The following ZDHHC20 variants were observed in gnomAD, a reference collection of about 807,000 sequenced individuals.
ZDHHC20 encodes the protein zDHHC palmitoyltransferase 20.
ZDHHC20 carries 43 observed loss-of-function variants against 57.8 expected under a neutral mutation model. The ratio of observed to expected loss-of-function variants is 0.74; its 90% confidence interval spans 0.58 to 0.96. The LOEUF (loss-of-function observed/expected upper bound fraction) is 0.96. Ranked by LOEUF, ZDHHC20 falls within the 40% of genes least tolerant of loss-of-function variation. The pLI is 0.00. For synonymous variants in ZDHHC20, 157 were observed against 153.0 expected (o/e 1.03, Z -0.19); for missense variants, 391 against 441.1 (o/e 0.89, Z 1.02).
At chr13:21,404,845 T>A (rs1478331293) in intron 4 of ZDHHC20, among the ~76,000 whole-genome samples, 1 of 151,994 alleles carries the variant, frequency 6.6e-6, no homozygotes, top group Non-Finnish European at 1.5e-5. Context: ...ATATACCCTA[T>A]CCCAATAAAA....
chr13:21,409,116 G>T (rs542306924), intron 4 of ZDHHC20, among the ~76,000 whole-genome samples: 1 of 152,266 alleles, frequency 6.6e-6, no homozygotes, highest in Admixed American at 6.5e-5. Context: ...GATGATGCTG[G>T]CCTCATAAAA....
intron 1 of ZDHHC20, among the ~76,000 whole-genome samples, chr13:21,426,679 C>T (rs546721671): frequency 1.3e-5 from 2 of 150,524 alleles, no homozygotes; most frequent in South Asian, 4.2e-4. Context: ...AATCTTGGCT[C>T]ACTGCAACCT....
At chr13:21,432,942 AG>A (rs527657265) in intron 1 of ZDHHC20, among the ~76,000 whole-genome samples, 15 of 152,206 alleles carry the variant, frequency 9.9e-5, no homozygotes, top group Non-Finnish European at 2.2e-4. Context: ...TATACGTGTA[AG>A]GGTTTATTTC....
At chr13:21,427,662 C>A (rs11842817) in intron 1 of ZDHHC20, among the ~76,000 whole-genome samples, 2 of 151,738 alleles carry the variant, frequency 1.3e-5, no homozygotes, top group African/African-American at 4.8e-5. Context: ...GGTGAAACCC[C>A]GTCTGCACTA....
At chr13:21,377,244 A>C in intron 12 of ZDHHC20, 1 of 76,046 alleles carries the variant, frequency 1.3e-5, no homozygotes. Flanking sequence ...ACTGCCCGAC[A>C]TGACCTCCAC....
intron 1 of ZDHHC20, 140 bp from the exon 2 acceptor site, chr13:21,425,818 C>A: frequency 1.9e-6 from 1 of 525,340 alleles, no homozygotes; most frequent in African/African-American, 2.0e-5. Flanking sequence ...AATGCAAAGT[C>A]AAAATTGCAC....
At chr13:21,379,388 C>A (rs1240451653) in intron 11 of ZDHHC20, among the ~76,000 whole-genome samples, 1 of 151,852 alleles carries the variant, frequency 6.6e-6, no homozygotes, top group African/African-American at 2.4e-5. Flanking sequence ...CTCAAGCAAT[C>A]CTCTCACCTC....
chr13:21,413,639 T>C lies in ZDHHC20; in HGVS notation c.370+13A>G, dbSNP rs1241965855. 3.2e-6 allele frequency: 5 copies of C among 1,576,418 alleles called. No homozygotes were observed. In the African/African-American group the frequency reaches 5.5e-5, roughly 17 times the overall value. On this transcript the variant is annotated intron_variant, in intron 4 of 12. Coordinates refer to ENST00000400590, the MANE Select transcript of ZDHHC20 (RefSeq NM_001330059.2). ...AAAATCATTTGAAAAGGAAAACTTA[T>C]TCTTTTTCTTACTTTTTGAAGCTGA...
In ZDHHC20 at chr13:21,382,984, T is replaced by C. The variant is rs551868346; in HGVS notation, c.880A>G (p.Thr294Ala). ...TCTGGATCCATCCCCACAAGGCGAGTTGGAAAACTGCAACCATCACCCAAG... is the reference window on the plus strand; with the variant it reads ...TCTGGATCCATCCCCACAAGGCGAGCTGGAAAACTGCAACCATCACCCAAG... The part of the protein sequence containing the change: ...SSLGDGCSFP[T>A]RLVGMDPEQA... The change falls in exon 10 of 13, where the codon ACT (threonine) becomes GCT (alanine). Residue 294 changes from threonine to alanine, a missense_variant. By Grantham distance (58) the Thr-to-Ala change is moderately conservative. Transcript: ENST00000400590. The C allele has an allele frequency of 3.5e-5, 54 of 1,561,804 alleles. No homozygotes were observed. The highest frequency in any genetic ancestry group is 3.0e-4 in the African/African-American group (22 of 73,446).
chr13:21,459,051 C>G lies in ZDHHC20; in HGVS notation c.118+3G>C. ...CGCCGCAGTCCCCGGGGACGGTACTCACACACGCAGAGCTCCACCACGTAC... is the reference window on the plus strand; with the variant it reads ...CGCCGCAGTCCCCGGGGACGGTACTGACACACGCAGAGCTCCACCACGTAC... On this transcript the variant is annotated splice_donor_region_variant and intron_variant, in intron 1 of 12. Transcript: ENST00000400590. 1.9e-6 allele frequency: 3 copies of G among 1,592,418 alleles called. No individual in the cohort carries two copies. Among genetic ancestry groups the G allele is most frequent in the Non-Finnish European group, 2.6e-6 (3 of 1,170,618 alleles).
Position 21,459,243 on chromosome 13 carries a change from C to G in ZDHHC20, c.-72G>C. On this transcript the variant is annotated 5_prime_UTR_variant, in exon 1 of 13. Coordinates refer to ENST00000400590, the MANE Select transcript of ZDHHC20 (RefSeq NM_001330059.2). ...CGCGGGAGCCCCGGCGACGGTGACTCGGACGCTCCAGGCGGCTGCTGGTCC... is the reference window on the plus strand; with the variant it reads ...CGCGGGAGCCCCGGCGACGGTGACTGGGACGCTCCAGGCGGCTGCTGGTCC... The G allele has an allele frequency of 3.2e-6, 4 of 1,249,848 alleles. No individual in the cohort carries two copies. The highest frequency in any genetic ancestry group is 4.4e-6 in the Non-Finnish European group (4 of 905,308). The allele number at this position is 1,249,848 out of a possible 1,614,324, so 77.4% of individuals were successfully genotyped here.
intron 2 of ZDHHC20, 29 bp from the exon 3 acceptor site, chr13:21,421,193 T>C (rs375438839): frequency 1.5e-5 from 24 of 1,587,958 alleles, no homozygotes; most frequent in East Asian, 2.2e-5. Context: ...TAACAGTTCA[T>C]TGAATCCAGG....
In ZDHHC20 at chr13:21,396,285, A is replaced by C. The variant is rs1395240185; in HGVS notation, c.594+4088T>G. On this transcript the variant is annotated intron_variant, in intron 7 of 12. Coordinates refer to ENST00000400590, the MANE Select transcript of ZDHHC20 (RefSeq NM_001330059.2). ...GAATAATAACAAAACCTACATTGTAAAACACCTTCAAAAGGTTTTTAGAAA... is the reference window on the plus strand; with the variant it reads ...GAATAATAACAAAACCTACATTGTACAACACCTTCAAAAGGTTTTTAGAAA... Among the ~76,000 whole-genome samples the C allele has an allele frequency of 2.0e-5, 3 of 152,236 alleles. No individual in the cohort carries two copies. The East Asian group carries it at 5.8e-4, about 29-fold the overall frequency.
Position 21,392,879 on chromosome 13 carries a change from G to C in ZDHHC20, c.595-1025C>G, listed in dbSNP as rs529400353. Among the ~76,000 whole-genome samples the C allele has an allele frequency of 7.9e-5, 12 of 152,268 alleles. No homozygotes were observed. The East Asian group carries it at 2.1e-3, about 27-fold the overall frequency. On this transcript the variant is annotated intron_variant, in intron 7 of 12. Transcript: ENST00000400590. ...ATCAAGTGAGTCTTCTGACCATTTT[G>C]TGAAGCAAATTTTTATTAAACATAT...
chr13:21,419,043 T>C (rs369285818), intron 3 of ZDHHC20, among the ~76,000 whole-genome samples: 22 of 152,212 alleles, frequency 1.4e-4, no homozygotes, highest in African/African-American at 5.3e-4. Context: ...TTATTCTATT[T>C]CTTATTTCCT....
intron 7 of ZDHHC20, among the ~76,000 whole-genome samples, chr13:21,393,877 GAATAA>G (rs1284253155): frequency 3.3e-5 from 5 of 152,118 alleles, no homozygotes; most frequent in Non-Finnish European, 5.9e-5. Context: ...GTCTGGGGAA[GAATAA>G]AATAAAATGT....
intron 1 of ZDHHC20, among the ~76,000 whole-genome samples, chr13:21,443,627 C>T (rs1883396961): frequency 6.6e-6 from 1 of 152,172 alleles, no homozygotes; most frequent in Non-Finnish European, 1.5e-5. Flanking sequence ...GTCAACTTCT[C>T]AAGTTATAAA....
At position 21,374,427 on chromosome 13, in the gene ZDHHC20, G is replaced by A. The variant is rs1324576754; in HGVS notation, c.*2269C>T. 3 of 455,670 alleles carry A rather than the reference G, an allele frequency of 6.6e-6. No homozygotes were observed. Among genetic ancestry groups the A allele is most frequent in the African/African-American group, 6.0e-5 (3 of 50,046 alleles). 28.2% of individuals were successfully genotyped at this position (455,670 alleles called of 1,614,324 possible). A position where few individuals can be genotyped will look rare whatever the true frequency, so the allele number is the denominator to read the frequency against. Reference sequence around the variant, plus strand: ...TTTTTGTATTTTTAGTGGAGACAGGGTTTTGCCATTTTGACCAGGCTAATC... The same window carrying A: ...TTTTTGTATTTTTAGTGGAGACAGGATTTTGCCATTTTGACCAGGCTAATC... On this transcript the variant is annotated 3_prime_UTR_variant, in exon 13 of 13. Coordinates refer to ENST00000400590, the MANE Select transcript of ZDHHC20 (RefSeq NM_001330059.2).
At chr13:21,388,518 A>G (rs536869565) in intron 8 of ZDHHC20, among the ~76,000 whole-genome samples, 1 of 152,290 alleles carries the variant, frequency 6.6e-6, no homozygotes, top group Non-Finnish European at 1.5e-5. Context: ...AAATGTTTGT[A>G]TGAGGCTATA....
Sources: gnomAD v4.1 joint callset for allele counts (sites outside exome capture counted in the v4.1 genomes callset) on GRCh38, gnomAD v4.1.1 for gene constraint, MANE v1.5 for transcripts, NCBI Gene and HGNC (gene_info 2026-07-23, HGNC 2026-07-21) for gene names.